Variants in RTN4 observed in about 807,000 individuals in gnomAD.
RTN4 encodes reticulon-4.
In RTN4, 32 loss-of-function variants were observed where a neutral mutation model predicts 90.4. The ratio of observed to expected loss-of-function variants is 0.35; its 90% CI spans 0.27 to 0.48. RTN4 has a LOEUF of 0.48. Ranked by LOEUF, RTN4 falls within the 20% of genes least tolerant of loss-of-function variation. RTN4 has a pLI of 0.99. For synonymous variants in RTN4, 629 were observed against 552.5 expected, an observed-to-expected ratio of 1.14 and a Z score of -1.94; for missense variants, 1,706 against 1,430.2, an observed-to-expected ratio of 1.19 and a Z score of -3.11.
intron 3 of RTN4, among the ~76,000 whole-genome samples, chr2:55,012,291 C>CTAT (rs1486633517): frequency 6.6e-6 from 1 of 152,162 alleles, no homozygotes; most frequent in Non-Finnish European, 1.5e-5. Context: ...ATTAAACATA[C>CTAT]TTAATAGCAC....
rs551637993 is a variant in RTN4, at chr2:55,042,805, A to G, written c.556+6940T>C. On this transcript the variant is annotated intron_variant, in intron 1 of 8. Coordinates refer to ENST00000337526, the MANE Select transcript of RTN4 (RefSeq NM_020532.5). The stretch of plus-strand genomic sequence containing the variant: ...TCTAAGGCACTGCAATGCAGACACA[A>G]TGCATACAGTCCTTTTCCTCAAAGA... Among the ~76,000 whole-genome samples the G allele has an allele frequency of 3.9e-5, 6 of 152,322 alleles. No individual in the cohort carries two copies. In the East Asian group the frequency reaches 9.6e-4, roughly 24 times the overall value.
At chr2:55,125,827 C>T in the RTN4 span, among the ~76,000 whole-genome samples, 2 of 151,854 alleles carry the variant, frequency 1.3e-5, no homozygotes, top group Non-Finnish European at 2.9e-5. Context: ...TTTGGGAGGC[C>T]GAGGTGGGCG....
intron 1 of RTN4, among the ~76,000 whole-genome samples, chr2:55,101,641 T>A (rs1188401917): frequency 1.3e-5 from 2 of 152,170 alleles, no homozygotes; most frequent in African/African-American, 2.4e-5. Context: ...TGCCAGGCAA[T>A]GTGCTAGGTA....
At chr2:55,060,121 G>A (rs371684926) in intron 2 of RTN4, among the ~76,000 whole-genome samples, 6 of 152,156 alleles carry the variant, frequency 3.9e-5, no homozygotes, top group Non-Finnish European at 8.8e-5. Context: ...AAGGTGGAGA[G>A]TAAGGGGAGA....
intron 5 of RTN4, among the ~76,000 whole-genome samples, 195 bp from the exon 6 acceptor site, chr2:54,974,959 G>T (rs1014180533): frequency 6.6e-6 from 1 of 152,142 alleles, no homozygotes; most frequent in South Asian, 2.1e-4. Context: ...ATAATTAATA[G>T]ATTTGACCCA....
the RTN4 span, among the ~76,000 whole-genome samples, chr2:55,117,990 A>G: frequency 6.6e-6 from 1 of 152,192 alleles, no homozygotes; most frequent in Non-Finnish European, 1.5e-5. Flanking sequence ...TCTGTGTGTT[A>G]TATTTCATAA....
chr2:55,028,249 C>A (rs1370433215), intron 1 of RTN4, 29 bp from the exon 2 acceptor site: 1 of 1,596,640 alleles, frequency 6.3e-7, no homozygotes, highest in Non-Finnish European at 8.6e-7. Context: ...ATAACCTCAG[C>A]AGAAATAAAG....
chr2:55,027,643 T>A (rs1226472873), intron 2 of RTN4, among the ~76,000 whole-genome samples, 158 bp from the exon 3 acceptor site: 1 of 152,144 alleles, frequency 6.6e-6, no homozygotes, highest in African/African-American at 2.4e-5. Context: ...TAGACTTCAA[T>A]CATTACTGAA....
At chr2:55,050,481 G>A, upstream of RTN4, 1 of 416,338 alleles carries the variant, frequency 2.4e-6, no homozygotes, top group East Asian at 3.6e-5. The surrounding 1 kb of genome is among the most constrained non-coding windows in gnomAD (Gnocchi z 4.6). Flanking sequence ...CCGCGCCGGT[G>A]ATGCGCCACC....
intron 1 of RTN4, among the ~76,000 whole-genome samples, chr2:55,083,915 C>T (rs187572875): frequency 6.6e-6 from 1 of 152,182 alleles, no homozygotes; most frequent in Non-Finnish European, 1.5e-5. Flanking sequence ...TGGTCTTTGA[C>T]CCTGGTTCCT....
intron 1 of RTN4, among the ~76,000 whole-genome samples, chr2:55,048,286 T>C (rs1667883689): frequency 6.6e-6 from 1 of 152,242 alleles, no homozygotes. Flanking sequence ...CATTACCATG[T>C]ACTACTGTAC....
chr2:55,088,995 C>T (rs922893277), intron 1 of RTN4, among the ~76,000 whole-genome samples: 1 of 151,996 alleles, frequency 6.6e-6, no homozygotes, highest in African/African-American at 2.4e-5. Context: ...TGCAGTGGCG[C>T]GATCTCAGCT....
At chr2:55,037,866 T>C (rs1410212053) in intron 1 of RTN4, among the ~76,000 whole-genome samples, 1 of 152,156 alleles carries the variant, frequency 6.6e-6, no homozygotes, top group East Asian at 1.9e-4. Flanking sequence ...AAGATCAAAC[T>C]TGCAGTCATA....
chr2:55,027,370 G>A lies in RTN4; in HGVS notation c.729C>T (p.Ala243=), dbSNP rs202014771. 5.8e-5 allele frequency: 94 copies of A among 1,613,482 alleles called. No homozygotes were observed. In the African/African-American group the frequency reaches 7.6e-4, roughly 13 times the overall value. Residue 243 remains alanine, a synonymous_variant, in exon 3 of 9, where the codon GCC becomes GCT. Transcript: ENST00000337526. ...GGTATTCATGTTCTTTGAAAGAAGC[G>A]GCTGAGAGAGGAGACAGAGAAGGAA... ...ASLPSLSPLS[A]ASFKEHEYLG...
intron 3 of RTN4, among the ~76,000 whole-genome samples, chr2:54,996,542 G>A (rs920739008): frequency 1.3e-5 from 2 of 152,090 alleles, no homozygotes; most frequent in African/African-American, 4.8e-5. Context: ...TTACATTTAT[G>A]GTCAACTGAC....
At chr2:55,027,763 T>A (rs1682016614) in intron 2 of RTN4, among the ~76,000 whole-genome samples, 1 of 152,146 alleles carries the variant, frequency 6.6e-6, no homozygotes, top group South Asian at 2.1e-4. Flanking sequence ...ACTAAGATAC[T>A]AATAGCTAGT....
intron 2 of RTN4, among the ~76,000 whole-genome samples, chr2:55,074,731 T>C (rs1439061749): frequency 6.6e-6 from 1 of 152,056 alleles, no homozygotes; most frequent in Non-Finnish European, 1.5e-5. Flanking sequence ...TAATCCACCA[T>C]GATCAAATGG....
At chr2:55,121,097 C>T in the RTN4 span, among the ~76,000 whole-genome samples, 33 of 152,358 alleles carry the variant, frequency 2.2e-4, no homozygotes, top group African/African-American at 6.5e-4. Context: ...TCCCACACAA[C>T]AGCAACAGCT....
chr2:55,048,247 G>C (rs1158984034), intron 1 of RTN4, among the ~76,000 whole-genome samples: 2 of 152,222 alleles, frequency 1.3e-5, no homozygotes, highest in African/African-American at 2.4e-5. Context: ...CTGTGGACGT[G>C]AGTAGTGAGT....
Sources: allele counts gnomAD v4.1 joint callset (sites outside exome capture counted in the v4.1 genomes callset), GRCh38; gene constraint gnomAD v4.1.1; non-coding constraint Gnocchi (gnomAD v3.1); transcripts MANE v1.5; gene names NCBI Gene and HGNC (gene_info 2026-07-23, HGNC 2026-07-21).